The following EXD2 variants were observed in gnomAD, a reference collection of about 807,000 sequenced individuals.
The protein encoded by EXD2 is exonuclease 3'-5' domain containing 2, also known as exonuclease 3'-5' domain-containing protein 2.
In EXD2, 40 loss-of-function variants were observed where a neutral mutation model predicts 62.5. The observed-to-expected ratio is 0.64, with a 90% CI of 0.50 to 0.83. EXD2 has a LOEUF of 0.83. Among genes scored for constraint, EXD2 ranks in the 40% least tolerant of loss-of-function variants. The probability of loss-of-function intolerance (pLI) is 0.00; values close to 1 mark genes in which losing one functional copy is unlikely to be tolerated. For missense variants in EXD2, 671 were observed against 761.8 expected (o/e 0.88, Z 1.40); for synonymous variants, 239 against 291.9 (o/e 0.82, Z 1.85).
At chr14:69,200,024 C>G (rs183783395) in intron 1 of EXD2, among the ~76,000 whole-genome samples, 2 of 152,156 alleles carry the variant, frequency 1.3e-5, no homozygotes, top group Admixed American at 1.3e-4. Context: ...TTGTGAGTAA[C>G]GCATTGTGCA....
chr14:69,211,035 G>C (rs2042788738), intron 3 of EXD2, among the ~76,000 whole-genome samples: 2 of 152,080 alleles, frequency 1.3e-5, no homozygotes, highest in Non-Finnish European at 2.9e-5. Flanking sequence ...TCCTGTGACA[G>C]TTTCTTAAAA....
intron 2 of EXD2, among the ~76,000 whole-genome samples, chr14:69,204,225 G>T (rs192295773): frequency 6.6e-6 from 1 of 152,094 alleles, no homozygotes; most frequent in African/African-American, 2.4e-5. Flanking sequence ...GTACATATTC[G>T]TATAAAATTT....
At chr14:69,231,219 C>T (rs1178904909) in intron 5 of EXD2, among the ~76,000 whole-genome samples, 1 of 152,012 alleles carries the variant, frequency 6.6e-6, no homozygotes, top group Admixed American at 6.6e-5. Context: ...TAAGTAGTTC[C>T]CTGCATTACC....
At position 69,209,824 on chromosome 14, in the gene EXD2, TAAAAAAAA is replaced by T. The variant is rs199733370; in HGVS notation, c.333+32_333+39del. 15 of 1,056,696 alleles carry T rather than the reference TAAAAAAAA, an allele frequency of 1.4e-5. No individual in the cohort carries two copies. The African/African-American group carries it at 2.5e-4, about 18-fold the overall frequency. 65.5% of individuals were successfully genotyped at this position (1,056,696 alleles called of 1,614,324 possible). A position where few individuals can be genotyped will look rare whatever the true frequency, so the allele number is the denominator to read the frequency against. On this transcript the variant is annotated intron_variant, in intron 3 of 9. Transcript: ENST00000685843. ...AGTGGGTAAGTTAAAAAGCAAAAGT[TAAAAAAAA>T]AAAAAAAAAACAACTTCTGCTTTTC...
chr14:69,206,455 C>CTTTTTTTTTTTTTTTT (rs56333403), intron 2 of EXD2, among the ~76,000 whole-genome samples: 1 of 94,642 alleles, frequency 1.1e-5, no homozygotes, highest in Non-Finnish European at 2.1e-5. Context: ...CACCCACCCA[C>CTTTTTTTTTTTTTTTT]TTTTTTTTTT....
intron 3 of EXD2, among the ~76,000 whole-genome samples, chr14:69,212,710 T>TTTTTC (rs2042851940): frequency 7.0e-6 from 1 of 143,358 alleles, no homozygotes; most frequent in Non-Finnish European, 1.5e-5. Context: ...TTTTTTTTTT[T>TTTTTC]TTTTTTTTTT....
Position 69,234,819 on chromosome 14 carries a change from A to G in EXD2, c.837A>G (p.Lys279=). 6.2e-7 allele frequency: 1 copy of G among 1,614,212 alleles called. No homozygotes were observed. Among genetic ancestry groups the G allele is most frequent in the Non-Finnish European group, 8.5e-7 (1 of 1,180,038 alleles). The part of the protein sequence containing the change: ...EKNDDHSSWR[K]VLEKCQGVVD... Reference sequence around the variant, plus strand: ...ACGATGACCACAGTAGCTGGAGAAAAGTCTTGGAAAAATGCCAGGGTGTGG... The same window carrying G: ...ACGATGACCACAGTAGCTGGAGAAAGGTCTTGGAAAAATGCCAGGGTGTGG... Residue 279 remains lysine (K), a synonymous_variant, in exon 6 of 10, where the codon AAA becomes AAG. Coordinates refer to ENST00000685843, the MANE Select transcript of EXD2 (RefSeq NM_001193360.2).
chr14:69,208,253 C>T, intron 2 of EXD2, among the ~76,000 whole-genome samples: 1 of 147,276 alleles, frequency 6.8e-6, no homozygotes, highest in South Asian at 2.2e-4. Context: ...CTCTGTCACC[C>T]AGACTGGAGT....
chr14:69,241,967 C>T lies in EXD2; in HGVS notation c.*867C>T, dbSNP rs1018235771. ...TCTTTTATCAGAATCAGTATCAGTT[C>T]CCCTGTATTCTGTGCTTCATCGAAT... On this transcript the variant is annotated 3_prime_UTR_variant, in exon 10 of 10. Coordinates refer to ENST00000685843, the MANE Select transcript of EXD2 (RefSeq NM_001193360.2). 12 of 398,496 alleles carry T rather than the reference C, an allele frequency of 3.0e-5. No homozygotes were observed. Among genetic ancestry groups the T allele is most frequent in the Non-Finnish European group, 5.3e-5 (12 of 226,068 alleles). The allele number at this position is 398,496 out of a possible 1,614,324, so 24.7% of individuals were successfully genotyped here. A position where few individuals can be genotyped will look rare whatever the true frequency, so the allele number is the denominator to read the frequency against.
chr14:69,241,139 G>C lies in EXD2; in HGVS notation c.*39G>C. On this transcript the variant is annotated 3_prime_UTR_variant, in exon 10 of 10. Transcript: ENST00000685843. ...CCCAGTTAGGACAAGTGGGAAGCTG[G>C]AGCCAAGGTTGAAGAGTCACCTCTT... 6.3e-7 allele frequency: 1 copy of C among 1,581,178 alleles called. No homozygotes were observed. Among genetic ancestry groups the C allele is most frequent in the Non-Finnish European group, 8.6e-7 (1 of 1,157,784 alleles).
intron 6 of EXD2, chr14:69,235,582 C>T: frequency 8.8e-6 from 2 of 226,514 alleles, no homozygotes; most frequent in Non-Finnish European, 1.7e-5. Context: ...AAATTTGGTC[C>T]CTGTAGCAAA....
chr14:69,229,124 A>T, intron 4 of EXD2, 52 bp downstream of exon 4: 1 of 1,601,294 alleles, frequency 6.2e-7, no homozygotes, highest in Non-Finnish European at 8.5e-7. Context: ...CAAATATTTT[A>T]GCCAGATTTG....
chr14:69,230,722 T>A, intron 5 of EXD2, 124 bp downstream of exon 5: 1 of 1,094,236 alleles, frequency 9.1e-7, no homozygotes, highest in Non-Finnish European at 1.3e-6. Context: ...ATAGATTCAT[T>A]CTCTGGTGAT....
At chr14:69,204,759 C>T (rs1014740976) in intron 2 of EXD2, among the ~76,000 whole-genome samples, 1 of 152,098 alleles carries the variant, frequency 6.6e-6, no homozygotes, top group Non-Finnish European at 1.5e-5. Context: ...GGTTAAAAAA[C>T]TTTTTTCATT....
At chr14:69,238,068 G>T in intron 9 of EXD2, 137 bp downstream of exon 9, 1 of 720,068 alleles carries the variant, frequency 1.4e-6, no homozygotes, top group Non-Finnish European at 2.3e-6. Flanking sequence ...GTGTCTAGTA[G>T]TTTAAGATAC....
At position 69,237,654 on chromosome 14, in the gene EXD2, C is replaced by T. The variant is rs2043841968; in HGVS notation, c.1372C>T (p.Leu458Phe). Residue 458 changes from leucine to phenylalanine, a missense_variant, in exon 9 of 10, where the codon CTC becomes TTC. Leu to Phe is a conservative substitution (Grantham distance 22). Coordinates refer to ENST00000685843, the MANE Select transcript of EXD2 (RefSeq NM_001193360.2). ...CCACAACTCCCACGATGTGCTGCTG[C>T]TCTGCACCTCCTGCCATGCCATTTC... ...KDHNSHDVLL[L>F]CTSCHAISNY... The T allele has an allele frequency of 6.2e-7, 1 of 1,614,138 alleles. No homozygotes were observed. The highest frequency in any genetic ancestry group is 8.5e-7 in the Non-Finnish European group (1 of 1,180,048).
In EXD2 at chr14:69,242,047, G is replaced by C. The variant is rs73282621; in HGVS notation, c.*947G>C. On this transcript the variant is annotated 3_prime_UTR_variant, in exon 10 of 10. Transcript: ENST00000685843. ...ATTCACTCCCAGAGTCATCTGGTCA[G>C]GTTGCAATATGAGGACTTCTCTGTC... The C allele has an allele frequency of 6.8e-5, 27 of 398,588 alleles. No individual in the cohort carries two copies. The highest frequency in any genetic ancestry group is 5.5e-4 in the African/African-American group (27 of 48,732). The allele number at this position is 398,588 out of a possible 1,614,324, so 24.7% of individuals were successfully genotyped here.
At chr14:69,206,512 A>G (rs1594737464) in intron 2 of EXD2, among the ~76,000 whole-genome samples, 1 of 121,138 alleles carries the variant, frequency 8.3e-6, no homozygotes, top group Non-Finnish European at 1.6e-5. Flanking sequence ...TCTCTCACCC[A>G]GGCTAGAGTG....
rs1437791187 is a variant in EXD2, at chr14:69,237,579, A to G, written c.1297A>G (p.Asn433Asp). ...CGKRDSYIRK[N>D]VIPHEYRKHF... The stretch of plus-strand genomic sequence containing the variant: ...TTCCGGCTGGGCTTGTTCCAGGAAG[A>G]ACGTGATTCCACATGAGTACCGGAA... Residue 433 changes from asparagine (N) to aspartate (D), a missense_variant, in exon 9 of 10, where the codon AAC becomes GAC. Transcript: ENST00000685843. 2 of 1,613,990 alleles carry G rather than the reference A, an allele frequency of 1.2e-6. No homozygotes were observed. Among genetic ancestry groups the G allele is most frequent in the Non-Finnish European group, 1.7e-6 (2 of 1,179,954 alleles).
Sources: allele counts gnomAD v4.1 joint callset (sites outside exome capture counted in the v4.1 genomes callset), GRCh38; gene constraint gnomAD v4.1.1; transcripts MANE v1.5; gene names NCBI Gene and HGNC (gene_info 2026-07-23, HGNC 2026-07-21).